Variants in RABGAP1L observed in about 807,000 individuals in gnomAD.
The protein encoded by RABGAP1L is rab GTPase-activating protein 1-like.
RABGAP1L carries 63 observed loss-of-function variants against 137.7 expected under a neutral mutation model. The ratio of observed to expected loss-of-function variants is 0.46; its 90% CI spans 0.37 to 0.56. The LOEUF (loss-of-function observed/expected upper bound fraction) is 0.56, where lower values mean the gene tolerates loss of function less well. Among genes scored for constraint, RABGAP1L ranks in the 20% least tolerant of loss-of-function variants. RABGAP1L has a pLI of 0.00. For synonymous variants in RABGAP1L, 431 were observed against 433.7 expected, an observed-to-expected ratio of 0.99 and a Z score of 0.08; for missense variants, 1,095 against 1,244.0, an observed-to-expected ratio of 0.88 and a Z score of 1.80.
chr1:174,610,977 T>G (rs925321516), intron 13 of RABGAP1L, among the ~76,000 whole-genome samples: 3 of 151,508 alleles, frequency 2.0e-5, no homozygotes, highest in African/African-American at 4.9e-5. Context: ...ATGAGTAGGT[T>G]GCGAAAATTT....
chr1:174,315,434 T>C (rs1438555190), intron 11 of RABGAP1L, among the ~76,000 whole-genome samples: 1 of 152,178 alleles, frequency 6.6e-6, no homozygotes, highest in Non-Finnish European at 1.5e-5. Flanking sequence ...TGGGTTTTGC[T>C]TTTTCATTCA....
At chr1:174,622,181 G>A (rs1337495557) in intron 13 of RABGAP1L, among the ~76,000 whole-genome samples, 1 of 152,264 alleles carries the variant, frequency 6.6e-6, no homozygotes, top group East Asian at 1.9e-4. Flanking sequence ...TTAGAATGGT[G>A]ATCATTAAAA....
intron 13 of RABGAP1L, among the ~76,000 whole-genome samples, chr1:174,453,577 A>G (rs1655685804): frequency 6.6e-6 from 1 of 152,188 alleles, no homozygotes; most frequent in African/African-American, 2.4e-5. Context: ...GCATAGGAGC[A>G]TGTATGTGTT....
intron 13 of RABGAP1L, among the ~76,000 whole-genome samples, chr1:174,399,943 C>G (rs1427221694): frequency 6.6e-6 from 1 of 152,076 alleles, no homozygotes; most frequent in Non-Finnish European, 1.5e-5. Flanking sequence ...CACAGCCAAA[C>G]CATATCATAT....
chr1:174,365,893 T>A (rs1427540756), intron 11 of RABGAP1L, among the ~76,000 whole-genome samples: 2 of 152,196 alleles, frequency 1.3e-5, no homozygotes, highest in African/African-American at 4.8e-5. Flanking sequence ...TGTGGGGGTG[T>A]GATTGGTGTA....
Position 174,187,224 on chromosome 1 carries a change from C to T in RABGAP1L, c.-34+27567C>T, listed in dbSNP as rs142827113. Among the ~76,000 whole-genome samples the T allele has an allele frequency of 8.5e-4, 129 of 151,994 alleles. 1 individual carries two copies. Among genetic ancestry groups the T allele is most frequent in the African/African-American group, 3.0e-3 (123 of 41,488 alleles). ...AAGTAGGATAACCCCAACCTCCCCA[C>T]AAGCCCACTAATATCACCCTTTTCT... On this transcript the variant is annotated intron_variant, in intron 1 of 25. Coordinates refer to ENST00000681986, the MANE Select transcript of RABGAP1L (RefSeq NM_001366446.1).
chr1:174,611,663 C>T (rs373045592), intron 13 of RABGAP1L, among the ~76,000 whole-genome samples: 67 of 151,104 alleles, frequency 4.4e-4, no homozygotes, highest in African/African-American at 1.4e-3. Flanking sequence ...GCCATTTTCA[C>T]GATATTGATT....
chr1:174,277,220 A>G (rs1675075175), intron 9 of RABGAP1L, among the ~76,000 whole-genome samples: 1 of 152,076 alleles, frequency 6.6e-6, no homozygotes, highest in Non-Finnish European at 1.5e-5. Context: ...AAAAGATTAT[A>G]TAAAATTTAA....
At chr1:174,945,297 C>G (rs945316155) in intron 19 of RABGAP1L, among the ~76,000 whole-genome samples, 2 of 152,130 alleles carry the variant, frequency 1.3e-5, no homozygotes, top group African/African-American at 4.8e-5. Context: ...CCATTACTCT[C>G]CAAATACTGT....
At chr1:174,702,561 G>A (rs935523120) in intron 17 of RABGAP1L, among the ~76,000 whole-genome samples, 1 of 151,980 alleles carries the variant, frequency 6.6e-6, no homozygotes, top group Admixed American at 6.6e-5. Flanking sequence ...TGCCTTTAAG[G>A]TTAAATAAAT....
At chr1:174,555,380 A>C (rs989669355) in intron 13 of RABGAP1L, among the ~76,000 whole-genome samples, 1 of 152,222 alleles carries the variant, frequency 6.6e-6, no homozygotes, top group African/African-American at 2.4e-5. Context: ...TTATGGCAAA[A>C]GCCCTTGCAA....
intron 13 of RABGAP1L, among the ~76,000 whole-genome samples, chr1:174,546,768 C>T (rs567867601): frequency 1.1e-3 from 160 of 152,196 alleles, no homozygotes; most frequent in Admixed American, 2.6e-3. Flanking sequence ...CGGTGGCTCA[C>T]GCCTGTAATC....
chr1:174,781,143 A>G (rs1686970648), intron 18 of RABGAP1L, among the ~76,000 whole-genome samples: 1 of 152,186 alleles, frequency 6.6e-6, no homozygotes, highest in Non-Finnish European at 1.5e-5. Context: ...AGGAATCGCC[A>G]CACTGACTTC....
intron 13 of RABGAP1L, among the ~76,000 whole-genome samples, chr1:174,621,992 C>CGGG (rs1168936565): frequency 6.8e-6 from 1 of 147,842 alleles, no homozygotes. Flanking sequence ...ACAATGAACT[C>CGGG]TAACAAATCT....
intron 19 of RABGAP1L, among the ~76,000 whole-genome samples, chr1:174,907,456 G>T (rs1029230142): frequency 6.6e-6 from 1 of 151,964 alleles, no homozygotes; most frequent in Admixed American, 6.6e-5. Flanking sequence ...GGGACTGCAG[G>T]TGTGTGCCAC....
intron 10 of RABGAP1L, among the ~76,000 whole-genome samples, chr1:174,302,150 C>T (rs1324032669): frequency 6.6e-6 from 1 of 152,156 alleles, no homozygotes; most frequent in African/African-American, 2.4e-5. Context: ...ATTGTTATTA[C>T]CATAGTAATT....
intron 19 of RABGAP1L, chr1:174,921,975 A>G (rs778133128): frequency 2.6e-5 from 4 of 152,236 alleles, no homozygotes; most frequent in African/African-American, 4.8e-5. Context: ...TTGAAACACT[A>G]TTGAAATCAA....
At chr1:174,217,631 C>CA (rs1488950938) in intron 1 of RABGAP1L, among the ~76,000 whole-genome samples, 1 of 151,918 alleles carries the variant, frequency 6.6e-6, no homozygotes, top group Non-Finnish European at 1.5e-5. Context: ...TTTTTAGAAA[C>CA]AAAATATACA....
intron 1 of RABGAP1L, among the ~76,000 whole-genome samples, chr1:174,217,828 T>A (rs751650730): frequency 6.6e-6 from 1 of 152,166 alleles, no homozygotes; most frequent in Non-Finnish European, 1.5e-5. Context: ...AATTACTTTT[T>A]AAAAGATACA....
Sources: allele counts gnomAD v4.1 joint callset (sites outside exome capture counted in the v4.1 genomes callset), GRCh38; gene constraint gnomAD v4.1.1; transcripts MANE v1.5; gene names NCBI Gene and HGNC (gene_info 2026-07-23, HGNC 2026-07-21).